DLGAP2: variants seen among roughly 807,000 people sequenced by gnomAD.
DLGAP2 encodes disks large-associated protein 2.
A neutral mutation model predicts 100.3 loss-of-function variants in DLGAP2; 26 were observed. The ratio of observed to expected loss-of-function variants is 0.26; its 90% CI spans 0.19 to 0.36. DLGAP2 has a LOEUF of 0.36. Among genes scored for constraint, DLGAP2 ranks in the 10% least tolerant of loss-of-function variants. The pLI, the probability that DLGAP2 is intolerant of heterozygous loss-of-function variation, is 1.00. For missense variants in DLGAP2, 1,858 were observed against 1,453.2 expected (o/e 1.28, Z -4.53); for synonymous variants, 886 against 630.1 (o/e 1.41, Z -6.08).
rs117175002 is a variant in DLGAP2 at position 1,142,676 on chromosome 8, G to A, written c.74-116175G>A. On this transcript the variant is annotated intron_variant, in intron 2 of 14. Coordinates refer to ENST00000637795, the MANE Select transcript of DLGAP2 (RefSeq NM_001346810.2). ...AGTGGTAACAGCTGTTCCGTTGGCC[G>A]TTGGAACGGCTTTGCTAGGGCAGGA... Among the ~76,000 whole-genome samples, 16 of 152,124 alleles carry A rather than the reference G, an allele frequency of 1.1e-4. No individual in the cohort carries two copies. The East Asian group carries it at 1.5e-3, about 15-fold the overall frequency.
At chr8:1,492,515 A>T (rs1330569524) in intron 3 of DLGAP2, among the ~76,000 whole-genome samples, 1 of 152,186 alleles carries the variant, frequency 6.6e-6, no homozygotes, top group East Asian at 1.9e-4. Flanking sequence ...TGCGTTCCGG[A>T]AGCAGCTCCT....
rs180933183 is a variant in DLGAP2 at position 1,193,377 on chromosome 8, A to G, written c.74-65474A>G. 1.3e-3 allele frequency among the ~76,000 whole-genome samples: 205 copies of G among 152,264 alleles called. 1 individual carries two copies. Among genetic ancestry groups the G allele is most frequent in the Middle Eastern group, 6.8e-3 (2 of 294 alleles). On this transcript the variant is annotated intron_variant, in intron 2 of 14. Transcript: ENST00000637795. ...AATGATCGCCATTCTAACTGGTCTG[A>G]GATGGTATCTCATTGTGGTTTTGAT...
chr8:1,632,706 C>G lies in DLGAP2; in HGVS notation c.1591-121C>G, dbSNP rs1585015985. 27 of 917,004 alleles carry G rather than the reference C, an allele frequency of 2.9e-5. No homozygotes were observed. In the East Asian group the frequency reaches 7.0e-4, roughly 24 times the overall value. The allele number at this position is 917,004 out of a possible 1,614,324, so 56.8% of individuals were successfully genotyped here. On this transcript the variant is annotated intron_variant, in intron 7 of 14. Transcript: ENST00000637795. ...GATGCCCATGCTGACTTCAGGTTAA[C>G]TGTGCTGAACTATGAGGCAGTGAAA...
intron 2 of DLGAP2, among the ~76,000 whole-genome samples, chr8:1,085,600 G>A (rs1483769234): frequency 6.6e-6 from 1 of 152,172 alleles, no homozygotes; most frequent in Non-Finnish European, 1.5e-5. Flanking sequence ...TCGTTTCTGG[G>A]CTCTCTGTTC....
At chr8:1,065,240 C>T (rs953854220) in intron 2 of DLGAP2, among the ~76,000 whole-genome samples, 32 of 152,204 alleles carry the variant, frequency 2.1e-4, no homozygotes, top group African/African-American at 7.2e-4. Flanking sequence ...AAGATACAGC[C>T]ATTGCCAGGA....
intron 3 of DLGAP2, among the ~76,000 whole-genome samples, chr8:1,477,190 G>A (rs1463213649): frequency 2.0e-5 from 3 of 151,738 alleles, no homozygotes; most frequent in Non-Finnish European, 2.9e-5. Flanking sequence ...TTGCGGGGGT[G>A]GATGCGCACC....
chr8:1,234,536 C>G (rs1045745575), intron 2 of DLGAP2, among the ~76,000 whole-genome samples: 2 of 152,148 alleles, frequency 1.3e-5, no homozygotes, highest in African/African-American at 4.8e-5. Context: ...AACAATGACC[C>G]TATTTCTAAA....
At chr8:954,139 C>T (rs1017068330) in intron 2 of DLGAP2, among the ~76,000 whole-genome samples, 4 of 152,176 alleles carry the variant, frequency 2.6e-5, no homozygotes, top group East Asian at 1.9e-4. Flanking sequence ...AGGTTGTCCA[C>T]ACTGCCTAAG....
intron 8 of DLGAP2, among the ~76,000 whole-genome samples, chr8:1,646,331 G>A (rs776427076): frequency 9.9e-5 from 15 of 152,206 alleles, no homozygotes; most frequent in East Asian, 1.9e-4. Context: ...CCTCATTGAC[G>A]ACAGGAGCCA....
intron 6 of DLGAP2, among the ~76,000 whole-genome samples, chr8:1,626,184 C>G (rs1170181690): frequency 9.1e-6 from 1 of 109,742 alleles, no homozygotes. Context: ...CCCATCTCTA[C>G]CCTGTGGCGG....
chr8:1,130,331 A>G (rs1043749660), intron 2 of DLGAP2, among the ~76,000 whole-genome samples: 1 of 152,140 alleles, frequency 6.6e-6, no homozygotes, highest in Non-Finnish European at 1.5e-5. Context: ...GTATGGGTGT[A>G]TTTATTTTTT....
intron 2 of DLGAP2, among the ~76,000 whole-genome samples, chr8:951,075 A>C (rs1325465991): frequency 6.6e-6 from 1 of 152,224 alleles, no homozygotes; most frequent in Admixed American, 6.5e-5. Flanking sequence ...GAATATGCAT[A>C]CTACATTCTA....
rs915154777 is a variant in DLGAP2 at position 859,357 on chromosome 8, C to T, written c.19-48555C>T. Among the ~76,000 whole-genome samples, 3 of 152,218 alleles carry T rather than the reference C, an allele frequency of 2.0e-5. 1 individual carries two copies. Among genetic ancestry groups the T allele is most frequent in the South Asian group, 4.1e-4 (2 of 4,834 alleles). ...AAACTCCTGACCGCAGCTGATCCAT[C>T]TGCCTTGGCCTCCCAAAGGGCTGGG... On this transcript the variant is annotated intron_variant, in intron 1 of 14. Transcript: ENST00000637795.
rs185589670 is a variant in DLGAP2, at chr8:1,607,553, A to G, written c.1443-19187A>G. 7.6e-4 allele frequency among the ~76,000 whole-genome samples: 116 copies of G among 152,364 alleles called. 1 individual carries two copies. The highest frequency in any genetic ancestry group is 2.5e-3 in the African/African-American group (106 of 41,590). On this transcript the variant is annotated intron_variant, in intron 6 of 14. Transcript: ENST00000637795. ...AGAAAGACATCGGGCCTGTGTAAAT[A>G]TATCCTTTAGAAAATTGACTTCAGA...
At chr8:1,175,831 CG>C (rs922624588) in intron 2 of DLGAP2, among the ~76,000 whole-genome samples, 5 of 152,166 alleles carry the variant, frequency 3.3e-5, no homozygotes, top group Non-Finnish European at 7.3e-5. Context: ...GGAAGGCACT[CG>C]GCATTGGATT....
chr8:1,112,879 T>C (rs1805004238), intron 2 of DLGAP2, among the ~76,000 whole-genome samples: 1 of 152,218 alleles, frequency 6.6e-6, no homozygotes, highest in Admixed American at 6.5e-5. Flanking sequence ...TTGCTTTTTG[T>C]ACATGGCATA....
At chr8:1,581,524 CCA>C in intron 6 of DLGAP2, among the ~76,000 whole-genome samples, 1 of 151,366 alleles carries the variant, frequency 6.6e-6, no homozygotes, top group East Asian at 2.0e-4. Context: ...AGACAAAACT[CCA>C]CACACATCTA....
chr8:815,329 C>T (rs1484806854), intron 1 of DLGAP2, among the ~76,000 whole-genome samples: 2 of 152,168 alleles, frequency 1.3e-5, no homozygotes, highest in Admixed American at 6.5e-5. Flanking sequence ...CACCCTGTTC[C>T]CTCAAGCCTT....
chr8:1,232,393 CA>C (rs1200825471), intron 2 of DLGAP2, among the ~76,000 whole-genome samples: 3 of 152,202 alleles, frequency 2.0e-5, no homozygotes, highest in African/African-American at 7.2e-5. Context: ...CTCATCATTC[CA>C]GGTCTCTGCC....
Sources: gnomAD v4.1 joint callset for allele counts (sites outside exome capture counted in the v4.1 genomes callset) on GRCh38, gnomAD v4.1.1 for gene constraint, MANE v1.5 for transcripts, NCBI Gene and HGNC (gene_info 2026-07-23, HGNC 2026-07-21) for gene names.